PALD1: variants seen among roughly 807,000 people sequenced by gnomAD.
PALD1 encodes the protein phosphatase domain containing paladin 1.
In PALD1, 57 loss-of-function variants were observed where a neutral mutation model predicts 96.0. The ratio of observed to expected loss-of-function variants is 0.59; its 90% CI spans 0.48 to 0.74. PALD1 has a LOEUF of 0.74. Among genes scored for constraint, PALD1 ranks in the 30% least tolerant of loss-of-function variants. The pLI, the probability that PALD1 is intolerant of heterozygous loss-of-function variation, is 0.00. For synonymous variants in PALD1, 464 were observed against 473.6 expected (o/e 0.98, Z 0.26); for missense variants, 1,063 against 1,143.7 (o/e 0.93, Z 1.02).
At chr10:70,460,501 T>G in the PALD1 span, among the ~76,000 whole-genome samples, 1 of 152,102 alleles carries the variant, frequency 6.6e-6, no homozygotes, top group South Asian at 2.1e-4. Context: ...GATTCCTTCC[T>G]CCCTCAACAC....
In PALD1 at chr10:70,540,152, ATTCTG is replaced by A. The variant is rs1437517534; in HGVS notation, c.1908+393_1908+397del. ...GTGTGTGTTATCGGGGTGTGTGTGT[ATTCTG>A]TTACAGGTGTGTGTGTGTATTTGTT... On this transcript the variant is annotated intron_variant, in intron 15 of 19. Transcript: ENST00000263563. This position sits in a 1 kb window ranked among gnomAD's most constrained non-coding sequence, Gnocchi z 4.2. 6.7e-6 allele frequency among the ~76,000 whole-genome samples: 1 copy of A among 150,354 alleles called. No homozygotes were observed. The highest frequency in any genetic ancestry group is 1.9e-4 in the East Asian group (1 of 5,142).
intron 1 of PALD1, among the ~76,000 whole-genome samples, chr10:70,514,925 T>G (rs1846589234): frequency 6.6e-6 from 1 of 152,164 alleles, no homozygotes; most frequent in African/African-American, 2.4e-5. Context: ...AAAATGTTCC[T>G]AGGGTAATCA....
At chr10:70,516,655 G>T (rs1219199736) in intron 1 of PALD1, among the ~76,000 whole-genome samples, 1 of 152,122 alleles carries the variant, frequency 6.6e-6, no homozygotes, top group African/African-American at 2.4e-5. Flanking sequence ...CTGGGCTCAA[G>T]CGATCCTCCT....
intron 18 of PALD1, among the ~76,000 whole-genome samples, chr10:70,561,443 G>A (rs952184537): frequency 6.6e-6 from 1 of 152,226 alleles, no homozygotes; most frequent in Non-Finnish European, 1.5e-5. Context: ...CTAAGGGGTG[G>A]GGTGGAGAGC....
At chr10:70,477,050 T>C (rs1332315795), upstream of PALD1, among the ~76,000 whole-genome samples, 1 of 152,088 alleles carries the variant, frequency 6.6e-6, no homozygotes, top group Non-Finnish European at 1.5e-5. Context: ...TGCACATGTA[T>C]GTAAATGTAT....
At chr10:70,497,716 G>A (rs1208829454) in intron 1 of PALD1, among the ~76,000 whole-genome samples, 1 of 151,886 alleles carries the variant, frequency 6.6e-6, no homozygotes, top group Non-Finnish European at 1.5e-5. Flanking sequence ...ACAGGCGTGT[G>A]CCACCATGCC....
chr10:70,483,152 G>A (rs909913660), intron 1 of PALD1, among the ~76,000 whole-genome samples: 20 of 152,128 alleles, frequency 1.3e-4, no homozygotes, highest in Non-Finnish European at 2.9e-5. Flanking sequence ...GGAATGGCTG[G>A]CCTGGGGTGT....
intron 12 of PALD1, 85 bp from the exon 13 acceptor site, chr10:70,538,807 C>G: frequency 8.9e-7 from 1 of 1,120,754 alleles, no homozygotes; most frequent in Non-Finnish European, 1.4e-6. Flanking sequence ...CCACCCCACC[C>G]CCCGTCTGCC....
Position 70,534,510 on chromosome 10 carries a change from AG to A in PALD1, c.1110del (p.Met371TrpfsTer18). ...SFLRMVPQGR[R>X]MVEEVDRAIT... is the part of the protein sequence containing the mutation. ...TCTCCGCATGGTGCCCCAGGGAAGG[AG>A]GATGGTGGAAGAGGTGAGTGAGGGA... On this transcript the variant is annotated frameshift_variant, in exon 9 of 20. Transcript: ENST00000263563. LOFTEE classifies it high-confidence loss of function. 1 of 1,611,586 alleles carries A rather than the reference AG, an allele frequency of 6.2e-7. No individual in the cohort carries two copies. Among genetic ancestry groups the A allele is most frequent in the South Asian group, 1.1e-5 (1 of 90,536 alleles).
intron 18 of PALD1, among the ~76,000 whole-genome samples, chr10:70,552,658 A>G (rs1005625394): frequency 6.6e-6 from 1 of 152,042 alleles, no homozygotes; most frequent in Admixed American, 6.5e-5. Context: ...TTCTGTGCAT[A>G]TTTCAGTACG....
the PALD1 span, among the ~76,000 whole-genome samples, chr10:70,468,113 G>A: frequency 6.6e-6 from 1 of 152,156 alleles, no homozygotes; most frequent in South Asian, 2.1e-4. Flanking sequence ...AATGAGATGA[G>A]GATTCAGGTT....
In PALD1 at chr10:70,568,317, G is replaced by A. The variant is rs1257792970; in HGVS notation, c.*1584G>A. On this transcript the variant is annotated 3_prime_UTR_variant, in exon 20 of 20. Transcript: ENST00000263563. ...CACTGGCTGATCACATCACCTCTCT[G>A]CCTCAGTTTCCCCATCTGTAAAATG... The A allele has an allele frequency of 6.6e-6, 1 of 152,468 alleles. No individual in the cohort carries two copies. Among genetic ancestry groups the A allele is most frequent in the African/African-American group, 2.4e-5 (1 of 41,362 alleles). 9.4% of individuals were successfully genotyped at this position (152,468 alleles called of 1,614,324 possible). A position where few individuals can be genotyped will look rare whatever the true frequency, so the allele number is the denominator to read the frequency against.
chr10:70,544,022 C>A (rs947886753), intron 17 of PALD1, among the ~76,000 whole-genome samples: 1 of 152,168 alleles, frequency 6.6e-6, no homozygotes, highest in African/African-American at 2.4e-5. Flanking sequence ...TCCTCACCCA[C>A]CCCCAGATAA....
At chr10:70,545,095 G>T (rs1847334386) in intron 17 of PALD1, among the ~76,000 whole-genome samples, 2 of 152,234 alleles carry the variant, frequency 1.3e-5, no homozygotes, top group South Asian at 4.1e-4. Context: ...CCCTCACTTA[G>T]TGGGGAGCAG....
At chr10:70,549,434 C>T (rs963516646) in intron 18 of PALD1, among the ~76,000 whole-genome samples, 1 of 152,236 alleles carries the variant, frequency 6.6e-6, no homozygotes, top group Admixed American at 6.5e-5. Flanking sequence ...GATAGGCCCC[C>T]CTTCCTCTGA....
intron 10 of PALD1, among the ~76,000 whole-genome samples, chr10:70,535,797 C>G (rs1478729835): frequency 6.6e-6 from 1 of 151,862 alleles, no homozygotes; most frequent in Non-Finnish European, 1.5e-5. Context: ...AACTCCTAGA[C>G]TCAAGGGATT....
intron 19 of PALD1, among the ~76,000 whole-genome samples, chr10:70,565,900 C>T (rs1325388793): frequency 6.6e-6 from 1 of 152,182 alleles, no homozygotes; most frequent in Non-Finnish European, 1.5e-5. Flanking sequence ...GAATCCCCCA[C>T]TGGGGCTGGG....
At chr10:70,498,416 A>G (rs1846232361) in intron 1 of PALD1, among the ~76,000 whole-genome samples, 2 of 152,212 alleles carry the variant, frequency 1.3e-5, no homozygotes, top group South Asian at 4.2e-4. Context: ...AGTAGCTGGG[A>G]CCACAGGAGT....
intron 1 of PALD1, among the ~76,000 whole-genome samples, chr10:70,501,996 G>A (rs776053962): frequency 1.3e-5 from 2 of 151,688 alleles, no homozygotes; most frequent in African/African-American, 4.9e-5. Flanking sequence ...TATTTCATTC[G>A]AAGTTTGACA....
Sources: allele counts gnomAD v4.1 joint callset (sites outside exome capture counted in the v4.1 genomes callset), GRCh38; gene constraint gnomAD v4.1.1; non-coding constraint Gnocchi (gnomAD v3.1); transcripts MANE v1.5; gene names NCBI Gene and HGNC (gene_info 2026-07-23, HGNC 2026-07-21).